Variants in CNTNAP2 observed in about 807,000 individuals in gnomAD.
CNTNAP2 encodes the protein contactin-associated protein-like 2.
In CNTNAP2, 98 loss-of-function variants were observed where a neutral mutation model predicts 155.2. That is an observed-to-expected ratio of 0.63 (90% CI 0.54 to 0.75). The LOEUF is 0.75. Among genes scored for constraint, CNTNAP2 ranks in the 30% least tolerant of loss-of-function variants. The probability of loss-of-function intolerance (pLI) is 0.00; values close to 1 mark genes in which losing one functional copy is unlikely to be tolerated. For missense variants in CNTNAP2, 1,727 were observed against 1,688.1 expected, an observed-to-expected ratio of 1.02 and a Z score of -0.40; for synonymous variants, 651 against 631.2, an observed-to-expected ratio of 1.03 and a Z score of -0.47.
intron 8 of CNTNAP2, among the ~76,000 whole-genome samples, chr7:147,263,721 A>G (rs866744452): frequency 6.6e-6 from 1 of 152,194 alleles, no homozygotes; most frequent in Non-Finnish European, 1.5e-5. Flanking sequence ...ACGTGGTCCT[A>G]TAGTATAGAA....
intron 11 of CNTNAP2, among the ~76,000 whole-genome samples, chr7:147,488,488 C>T (rs1325301706): frequency 6.6e-6 from 1 of 152,022 alleles, no homozygotes. Context: ...TTCATTATTT[C>T]CTGCAGAAGA....
intron 1 of CNTNAP2, among the ~76,000 whole-genome samples, chr7:146,161,357 C>G (rs1798219240): frequency 6.6e-6 from 1 of 152,112 alleles, no homozygotes. Context: ...CCAGGGCAAT[C>G]AGGCAAGAGA....
At chr7:146,241,893 A>T (rs1302409531) in intron 1 of CNTNAP2, among the ~76,000 whole-genome samples, 1 of 152,038 alleles carries the variant, frequency 6.6e-6, no homozygotes, top group East Asian at 1.9e-4. Context: ...ATTAAGATAA[A>T]AATACTACCT....
intron 12 of CNTNAP2, among the ~76,000 whole-genome samples, chr7:147,593,851 G>C (rs2116848371): frequency 6.6e-6 from 1 of 152,298 alleles, no homozygotes; most frequent in Non-Finnish European, 1.5e-5. Flanking sequence ...TAAAGGAGGA[G>C]AAAGGCCAGA....
At chr7:148,312,767 C>T (rs1476283148) in intron 21 of CNTNAP2, among the ~76,000 whole-genome samples, 1 of 152,084 alleles carries the variant, frequency 6.6e-6, no homozygotes, top group Non-Finnish European at 1.5e-5. Context: ...AGACTTTAAT[C>T]CTTTTAAAGC....
At chr7:146,516,367 G>T (rs1255621410) in intron 1 of CNTNAP2, among the ~76,000 whole-genome samples, 1 of 151,978 alleles carries the variant, frequency 6.6e-6, no homozygotes, top group African/African-American at 2.4e-5. Context: ...TCTAGAAATT[G>T]GCAGCTATTT....
intron 1 of CNTNAP2, among the ~76,000 whole-genome samples, chr7:146,770,635 A>T (rs1001802315): frequency 6.6e-6 from 1 of 151,632 alleles, no homozygotes; most frequent in African/African-American, 2.4e-5. Flanking sequence ...TAATTATATA[A>T]TTTTTTCAAA....
chr7:147,410,934 G>A (rs1026201235), intron 10 of CNTNAP2, among the ~76,000 whole-genome samples: 17 of 152,296 alleles, frequency 1.1e-4, no homozygotes, highest in African/African-American at 3.9e-4. Flanking sequence ...TGTATTGCAA[G>A]AATGAGTGCC....
At chr7:146,146,711 CG>C (rs1185557632) in intron 1 of CNTNAP2, among the ~76,000 whole-genome samples, 1 of 152,088 alleles carries the variant, frequency 6.6e-6, no homozygotes, top group African/African-American at 2.4e-5. Context: ...CATCAAATTT[CG>C]GGGGCAAATG....
chr7:146,244,565 G>A (rs1799615024), intron 1 of CNTNAP2, among the ~76,000 whole-genome samples: 1 of 152,178 alleles, frequency 6.6e-6, no homozygotes, highest in African/African-American at 2.4e-5. Context: ...TTAAGTTGGT[G>A]GCTGAGCTTG....
intron 16 of CNTNAP2, among the ~76,000 whole-genome samples, chr7:148,142,644 T>C (rs1805099140): frequency 6.6e-6 from 1 of 152,214 alleles, no homozygotes; most frequent in Admixed American, 6.5e-5. Flanking sequence ...TTCTCTTTTC[T>C]CTTATCCTGT....
chr7:146,490,543 A>C (rs1797123690), intron 1 of CNTNAP2, among the ~76,000 whole-genome samples: 1 of 152,326 alleles, frequency 6.6e-6, no homozygotes, highest in South Asian at 2.1e-4. Context: ...TGAACAAAAA[A>C]CAGTAAGACA....
chr7:146,750,842 A>G lies in CNTNAP2; in HGVS notation c.98-23429A>G, dbSNP rs979265816. ...GAAATTAAATAGCAAAAATTTTACT[A>G]CTTTTTCCATGAAAAGTTAAGTGTT... On this transcript the variant is annotated intron_variant, in intron 1 of 23. Coordinates refer to ENST00000361727, the MANE Select transcript of CNTNAP2 (RefSeq NM_014141.6). 4.6e-5 allele frequency among the ~76,000 whole-genome samples: 7 copies of G among 152,112 alleles called. No homozygotes were observed. The South Asian group carries it at 1.5e-3, about 32-fold the overall frequency.
intron 3 of CNTNAP2, among the ~76,000 whole-genome samples, chr7:147,037,749 A>G (rs909485520): frequency 1.3e-5 from 2 of 152,176 alleles, no homozygotes; most frequent in Non-Finnish European, 2.9e-5. Context: ...GGCACAAACA[A>G]TACAGACTAT....
intron 19 of CNTNAP2, among the ~76,000 whole-genome samples, chr7:148,222,521 TGAATGGATCATTCCATGAATCG>T (rs1159375802): frequency 2.6e-5 from 4 of 152,234 alleles, no homozygotes; most frequent in Admixed American, 6.5e-5. Flanking sequence ...CATGAATCGA[TGAATGGATCATTCCATGAATCG>T]ATGAATGGAT....
intron 10 of CNTNAP2, 82 bp from the exon 11 acceptor site, chr7:147,485,853 T>A: frequency 7.6e-7 from 1 of 1,323,704 alleles, no homozygotes; most frequent in Non-Finnish European, 1.1e-6. Flanking sequence ...AAATGATATA[T>A]TGCCCAGACA....
At chr7:148,071,477 T>C (rs921309498) in intron 15 of CNTNAP2, among the ~76,000 whole-genome samples, 1 of 151,372 alleles carries the variant, frequency 6.6e-6, no homozygotes, top group African/African-American at 2.4e-5. Flanking sequence ...AGACTCCATC[T>C]CACACACACA....
At chr7:147,132,602 C>T in intron 8 of CNTNAP2, 93 bp downstream of exon 8, 1 of 1,510,004 alleles carries the variant, frequency 6.6e-7, no homozygotes. Context: ...GTGTTACACG[C>T]TCAGGATTAG....
Position 146,517,632 on chromosome 7 carries a change from C to A in CNTNAP2, c.98-256639C>A, listed in dbSNP as rs933607897. Among the ~76,000 whole-genome samples, 4 of 151,870 alleles carry A rather than the reference C, an allele frequency of 2.6e-5. No homozygotes were observed. In the South Asian group the frequency reaches 8.3e-4, roughly 31 times the overall value. On this transcript the variant is annotated intron_variant, in intron 1 of 23. Coordinates refer to ENST00000361727, the MANE Select transcript of CNTNAP2 (RefSeq NM_014141.6). ...ACTGGAAGCCATCGGGAGATATAGG[C>A]AGTTGAGTGATATAATTTAATTTGT...
Sources: allele counts gnomAD v4.1 joint callset (sites outside exome capture counted in the v4.1 genomes callset), GRCh38; gene constraint gnomAD v4.1.1; transcripts MANE v1.5; gene names NCBI Gene and HGNC (gene_info 2026-07-23, HGNC 2026-07-21).